Variants in TSNARE1 observed in about 807,000 individuals in gnomAD.
The protein encoded by TSNARE1 is t-SNARE domain containing 1.
TSNARE1 carries 49 observed loss-of-function variants against 62.0 expected under a neutral mutation model. The observed-to-expected ratio is 0.79, with a 90% CI of 0.63 to 1.00. The LOEUF (loss-of-function observed/expected upper bound fraction) is 1.00. TSNARE1 is among the 50% of genes least tolerant of loss of function. TSNARE1 has a pLI of 0.00. For synonymous variants in TSNARE1, 328 were observed against 294.4 expected (o/e 1.11, Z -1.17); for missense variants, 755 against 700.1 (o/e 1.08, Z -0.88).
intron 1 of TSNARE1, among the ~76,000 whole-genome samples, chr8:142,385,937 T>C (rs1298182515): frequency 1.3e-5 from 2 of 152,186 alleles, no homozygotes; most frequent in Non-Finnish European, 2.9e-5. Context: ...TCCAGGTCCC[T>C]GTGGCTACAG....
intron 4 of TSNARE1, among the ~76,000 whole-genome samples, chr8:142,339,027 C>G (rs914764329): frequency 1.3e-5 from 2 of 152,132 alleles, no homozygotes; most frequent in Non-Finnish European, 1.5e-5. Flanking sequence ...ACCTCCCACC[C>G]TGGGAGGACC....
At chr8:142,269,300 T>C (rs1016694232) in intron 12 of TSNARE1, among the ~76,000 whole-genome samples, 1 of 152,142 alleles carries the variant, frequency 6.6e-6, no homozygotes, top group African/African-American at 2.4e-5. Flanking sequence ...GGTCAGGACA[T>C]AGTGCAGGAG....
upstream of TSNARE1, chr8:142,405,810 C>G (rs1436000010): frequency 1.3e-5 from 2 of 152,518 alleles, no homozygotes; most frequent in Non-Finnish European, 2.9e-5. Flanking sequence ...ACCTCCTGCT[C>G]TGCTCCCAGC....
intron 12 of TSNARE1, among the ~76,000 whole-genome samples, chr8:142,253,944 T>A (rs919058323): frequency 3.9e-5 from 6 of 152,232 alleles, no homozygotes; most frequent in African/African-American, 1.4e-4. Flanking sequence ...CCAGACCCTG[T>A]CAGACCCAAG....
chr8:142,296,587 C>A (rs1824793368), intron 10 of TSNARE1, among the ~76,000 whole-genome samples: 4 of 151,928 alleles, frequency 2.6e-5, no homozygotes, highest in Admixed American at 2.6e-4. Context: ...TGGGGCTGAC[C>A]CCAGGCAAGC....
chr8:142,253,939 C>A (rs1818302827), intron 12 of TSNARE1, among the ~76,000 whole-genome samples: 1 of 152,258 alleles, frequency 6.6e-6, no homozygotes, highest in Non-Finnish European at 1.5e-5. Flanking sequence ...TCCCTCCAGA[C>A]CCTGTCAGAC....
At chr8:142,339,324 G>C (rs1050925714) in intron 4 of TSNARE1, among the ~76,000 whole-genome samples, 2 of 152,112 alleles carry the variant, frequency 1.3e-5, no homozygotes, top group Non-Finnish European at 2.9e-5. Context: ...GGGCAGCTAC[G>C]TGATGTGTGA....
At chr8:142,322,967 G>A (rs994577264) in intron 6 of TSNARE1, among the ~76,000 whole-genome samples, 8 of 151,938 alleles carry the variant, frequency 5.3e-5, no homozygotes, top group South Asian at 4.2e-4. Flanking sequence ...GTTGGACAAC[G>A]ATACTATTAT....
At position 142,222,668 on chromosome 8, in the gene TSNARE1, TCACTCATC is replaced by T. The variant is rs1470939722; in HGVS notation, c.*11+6797_*11+6804del. Among the ~76,000 whole-genome samples, 684 of 142,418 alleles carry T rather than the reference TCACTCATC, an allele frequency of 4.8e-3. 40 individuals carry two copies. The highest frequency in any genetic ancestry group is 0.019 in the African/African-American group (644 of 34,140). 93.4% of individuals were successfully genotyped at this position (142,418 alleles called of 152,430 possible). ...CTTACTCATCCACTCATTCACTCAC[TCACTCATC>T]CACTCATCCACTCACTCACTCATCC... On this transcript the variant is annotated intron_variant, in intron 13 of 13. Transcript: ENST00000524325.
chr8:142,334,541 T>A (rs1309198925), intron 4 of TSNARE1, among the ~76,000 whole-genome samples: 1 of 151,968 alleles, frequency 6.6e-6, no homozygotes, highest in Non-Finnish European at 1.5e-5. Context: ...TTGCCAGAAA[T>A]AATGACCAAA....
At chr8:142,405,683 T>C (rs1838574268), upstream of TSNARE1, 1 of 149,894 alleles carries the variant, frequency 6.7e-6, no homozygotes, top group African/African-American at 2.5e-5. Flanking sequence ...TGTCGTGAGT[T>C]TCCCCACCCT....
intron 1 of TSNARE1, chr8:142,365,783 C>A (rs1835508476): frequency 2.0e-5 from 5 of 249,928 alleles, no homozygotes; most frequent in Non-Finnish European, 4.1e-5. Context: ...TAAATTAAAC[C>A]TAAAATAAAA....
chr8:142,369,193 C>A (rs1357534947), intron 1 of TSNARE1, among the ~76,000 whole-genome samples: 1 of 152,158 alleles, frequency 6.6e-6, no homozygotes, highest in Non-Finnish European at 1.5e-5. Flanking sequence ...GGAAGCCCAA[C>A]ACTGCCGGGG....
chr8:142,388,466 A>T (rs1226285324), intron 1 of TSNARE1, among the ~76,000 whole-genome samples: 1 of 150,852 alleles, frequency 6.6e-6, no homozygotes, highest in Non-Finnish European at 1.5e-5. Flanking sequence ...TGCAGTTCAC[A>T]TGAATGGATA....
chr8:142,277,788 G>T (rs770773195), intron 11 of TSNARE1: 39 of 985,268 alleles, frequency 4.0e-5, no homozygotes, highest in Non-Finnish European at 4.5e-5. Context: ...CTGGGTCTCA[G>T]TCTAGGGCAG....
rs866950473 is a variant in TSNARE1, at chr8:142,257,024, C to T, written c.1446+17757G>A. Among the ~76,000 whole-genome samples, 6 of 152,222 alleles carry T rather than the reference C, an allele frequency of 3.9e-5. No homozygotes were observed. The South Asian group carries it at 1.2e-3, about 32-fold the overall frequency. ...TAAAAGGAGCCACAATTCCCCACCA[C>T]TTCCAAACTGCTTTGTTCTGCCTTG... On this transcript the variant is annotated intron_variant, in intron 12 of 13. Coordinates refer to ENST00000524325, the MANE Select transcript of TSNARE1 (RefSeq NM_145003.5).
Position 142,319,069 on chromosome 8 carries a change from A to T in TSNARE1, c.894-435T>A, listed in dbSNP as rs1829065116. On this transcript the variant is annotated intron_variant, in intron 6 of 13. Coordinates refer to ENST00000524325, the MANE Select transcript of TSNARE1 (RefSeq NM_145003.5). The surrounding 1 kb of genome is among the most constrained non-coding windows in gnomAD (Gnocchi z 4.9). ...AAAGGCAGGCAGAGAGAGACGGCGC[A>T]GGTAAGCTCTGGCTGGGGTGGGTGG... Among the ~76,000 whole-genome samples the T allele has an allele frequency of 6.6e-6, 1 of 151,930 alleles. No individual in the cohort carries two copies. The highest frequency in any genetic ancestry group is 1.5e-5 in the Non-Finnish European group (1 of 67,954).
rs1034788899 is a variant in TSNARE1, at chr8:142,213,527, C to T, written c.*12-1214G>A. On this transcript the variant is annotated intron_variant, in intron 13 of 13. Transcript: ENST00000524325. ...AACCCCTATAAAAGTCCAATAAGGA[C>T]AAACGCCAGTTGCCTGGCCGTGGGC... Among the ~76,000 whole-genome samples, 4 of 152,260 alleles carry T rather than the reference C, an allele frequency of 2.6e-5. No individual in the cohort carries two copies. In the South Asian group the frequency reaches 8.3e-4, roughly 32 times the overall value.
At chr8:142,230,831 C>G (rs1817071574) in intron 12 of TSNARE1, among the ~76,000 whole-genome samples, 1 of 150,980 alleles carries the variant, frequency 6.6e-6, no homozygotes, top group African/African-American at 2.4e-5. Context: ...CATCCACCCA[C>G]CTATCCATCC....
Sources: gnomAD v4.1 joint callset for allele counts (sites outside exome capture counted in the v4.1 genomes callset) on GRCh38, gnomAD v4.1.1 for gene constraint, Gnocchi (gnomAD v3.1) non-coding constraint, MANE v1.5 for transcripts, NCBI Gene and HGNC (gene_info 2026-07-23, HGNC 2026-07-21) for gene names.